The following MSMB variants were observed in gnomAD, a reference collection of about 807,000 sequenced individuals.
The protein encoded by MSMB is beta-microseminoprotein.
MSMB carries 10 observed loss-of-function variants against 10.5 expected under a neutral mutation model. The observed-to-expected ratio is 0.95, with a 90% confidence interval of 0.59 to 1.62. The LOEUF is 1.62. Among genes scored for constraint, MSMB ranks in the 40% most tolerant of loss-of-function variants. The pLI, the probability that MSMB is intolerant of heterozygous loss-of-function variation, is 0.00. For missense variants in MSMB, 126 were observed against 137.4 expected (o/e 0.92, Z 0.42); for synonymous variants, 43 against 46.5 (o/e 0.93, Z 0.30).
intron 1 of MSMB, among the ~76,000 whole-genome samples, chr10:46,043,876 T>C (rs1840811762): frequency 6.6e-6 from 1 of 151,908 alleles, no homozygotes; most frequent in Non-Finnish European, 1.5e-5. Context: ...AGTTTCATCA[T>C]GTTGGCCAGG....
chr10:46,034,026 T>TGC (rs1462438876), intron 3 of MSMB, among the ~76,000 whole-genome samples: 1 of 152,222 alleles, frequency 6.6e-6, no homozygotes, highest in Admixed American at 6.5e-5. Context: ...AGACCACCTC[T>TGC]AATTGAGCTG....
In MSMB at chr10:46,040,052, C is replaced by G; in HGVS notation, c.43G>C (p.Val15Leu). 6.2e-7 allele frequency: 1 copy of G among 1,613,922 alleles called. No individual in the cohort carries two copies. ...LGSVVIFATF[V>L]TLCNASCYFI... ...TAGCATGATGCATTGCATAAAGTCA[C>G]GAAGGTGGCAAAGATCACAACGCTG... The change falls in exon 2 of 4, where the codon GTG (valine) becomes CTG (leucine). Residue 15 changes from valine (V) to leucine (L), a missense_variant. By Grantham distance (32) the Val-to-Leu change is conservative. Coordinates refer to ENST00000582163, the MANE Select transcript of MSMB (RefSeq NM_002443.4).
At chr10:46,039,537 T>C (rs1456627342) in intron 2 of MSMB, among the ~76,000 whole-genome samples, 2 of 152,180 alleles carry the variant, frequency 1.3e-5, no homozygotes, top group Non-Finnish European at 2.9e-5. Flanking sequence ...CCTAGAACAA[T>C]GAAATCAGTA....
intron 3 of MSMB, 57 bp downstream of exon 3, chr10:46,038,909 C>G: frequency 1.4e-6 from 2 of 1,453,852 alleles, no homozygotes; most frequent in Admixed American, 1.7e-5. Context: ...GACGGAGTAG[C>G]TGTTCCTCAG....
At chr10:46,037,502 T>C (rs1382283702) in intron 3 of MSMB, among the ~76,000 whole-genome samples, 2 of 152,220 alleles carry the variant, frequency 1.3e-5, no homozygotes, top group African/African-American at 4.8e-5. Flanking sequence ...CTGCGGGTAC[T>C]CTGTGTTCCG....
chr10:46,041,419 G>T (rs1840750264), intron 1 of MSMB, among the ~76,000 whole-genome samples: 2 of 151,996 alleles, frequency 1.3e-5, no homozygotes, highest in Non-Finnish European at 2.9e-5. Context: ...TTGACAATGG[G>T]AATGAAGGCA....
chr10:46,040,837 C>T (rs569638300), intron 1 of MSMB, among the ~76,000 whole-genome samples: 37 of 152,060 alleles, frequency 2.4e-4, no homozygotes, highest in Middle Eastern at 3.4e-3. Context: ...GCCTGTAGTC[C>T]CAGCTACTCG....
At chr10:46,045,222 TA>T (rs1840866554) in intron 1 of MSMB, among the ~76,000 whole-genome samples, 1 of 152,166 alleles carries the variant, frequency 6.6e-6, no homozygotes, top group Non-Finnish European at 1.5e-5. Context: ...CATGGGTTTT[TA>T]TAAATTTTGA....
Position 46,039,991 on chromosome 10 carries a change from G to C in MSMB, c.104C>G (p.Thr35Ser). The change falls in exon 2 of 4, where the codon ACC becomes AGC. Residue 35 changes from threonine (T) to serine (S), a missense_variant. Coordinates refer to ENST00000582163, the MANE Select transcript of MSMB (RefSeq NM_002443.4). ...ATTGAAAAGCCAAGACTTACTCCTG[G>C]TTGAATCTCCTGGAACTCCCTCATT... ...IPNEGVPGDS[T>S]RKCMDLKGNK... The C allele has an allele frequency of 6.2e-7, 1 of 1,612,812 alleles. No individual in the cohort carries two copies. Among genetic ancestry groups the C allele is most frequent in the South Asian group, 1.1e-5 (1 of 91,026 alleles).
At chr10:46,045,339 C>T (rs1840869056) in intron 1 of MSMB, among the ~76,000 whole-genome samples, 1 of 152,088 alleles carries the variant, frequency 6.6e-6, no homozygotes, top group Non-Finnish European at 1.5e-5. Flanking sequence ...CAAGACCAGC[C>T]TGGGCAGCAT....
chr10:46,044,575 GAAAAAAAAAAAAAAAA>G (rs56061175), intron 1 of MSMB, among the ~76,000 whole-genome samples: 1 of 38,526 alleles, frequency 2.6e-5, no homozygotes, highest in Non-Finnish European at 5.5e-5. Flanking sequence ...CTCCGTCTCA[GAAAAAAAAAAAAAAAA>G]AAAAAAAAAA....
chr10:46,043,963 C>T (rs1240140255), intron 1 of MSMB, among the ~76,000 whole-genome samples: 1 of 152,088 alleles, frequency 6.6e-6, no homozygotes, highest in Non-Finnish European at 1.5e-5. Flanking sequence ...GCGTGAGCCA[C>T]CGCGCCCAAC....
chr10:46,040,894 C>T (rs1393750095), intron 1 of MSMB, among the ~76,000 whole-genome samples: 4 of 151,608 alleles, frequency 2.6e-5, no homozygotes, highest in African/African-American at 9.7e-5. Context: ...GCGGACCTTG[C>T]AGTGAGCCGA....
intron 1 of MSMB, among the ~76,000 whole-genome samples, chr10:46,041,312 T>G (rs1840744959): frequency 7.9e-6 from 1 of 127,362 alleles, no homozygotes. Context: ...GCCACCGCAC[T>G]CTAGCCTGGG....
chr10:46,034,161 G>A (rs918443934), intron 3 of MSMB, among the ~76,000 whole-genome samples: 1 of 152,152 alleles, frequency 6.6e-6, no homozygotes, highest in Non-Finnish European at 1.5e-5. Flanking sequence ...CACCCAGGAT[G>A]GAGTGCAGTG....
intron 3 of MSMB, among the ~76,000 whole-genome samples, chr10:46,034,045 A>C (rs183069456): frequency 6.6e-6 from 1 of 152,214 alleles, no homozygotes; most frequent in African/African-American, 2.4e-5. Flanking sequence ...TGCAGTACAT[A>C]CAAATATTTT....
chr10:46,036,351 G>A (rs1319905847), intron 3 of MSMB, among the ~76,000 whole-genome samples: 1 of 152,166 alleles, frequency 6.6e-6, no homozygotes, highest in Non-Finnish European at 1.5e-5. Context: ...AAAAACAAAG[G>A]AGGTGAGGCA....
At chr10:46,034,756 C>T (rs1345737939) in intron 3 of MSMB, among the ~76,000 whole-genome samples, 2 of 150,634 alleles carry the variant, frequency 1.3e-5, no homozygotes, top group African/African-American at 4.9e-5. Flanking sequence ...ACCCAGGAGG[C>T]GGAGCTTGCA....
chr10:46,045,237 A>G (rs184137654), intron 1 of MSMB, among the ~76,000 whole-genome samples: 28 of 152,280 alleles, frequency 1.8e-4, no homozygotes, highest in African/African-American at 6.3e-4. Context: ...ATTTTGAAGC[A>G]AAATTCTTTC....
Sources: gnomAD v4.1 joint callset for allele counts (sites outside exome capture counted in the v4.1 genomes callset) on GRCh38, gnomAD v4.1.1 for gene constraint, MANE v1.5 for transcripts, NCBI Gene and HGNC (gene_info 2026-07-23, HGNC 2026-07-21) for gene names.